The following NEDD4L variants were observed in gnomAD, a reference collection of about 807,000 sequenced individuals.
NEDD4L encodes E3 ubiquitin-protein ligase NEDD4-like.
A neutral mutation model predicts 148.9 loss-of-function variants in NEDD4L; 54 were observed. The ratio of observed to expected loss-of-function variants is 0.36; its 90% CI spans 0.29 to 0.45. The LOEUF (loss-of-function observed/expected upper bound fraction) is 0.45, where lower values mean the gene tolerates loss of function less well. Among genes scored for constraint, NEDD4L ranks in the 20% least tolerant of loss-of-function variants. The pLI is 1.00. For synonymous variants in NEDD4L, 433 were observed against 440.7 expected (o/e 0.98, Z 0.22); for missense variants, 856 against 1,233.8 (o/e 0.69, Z 4.59).
chr18:58,176,410 A>G (rs1210704730), intron 2 of NEDD4L, among the ~76,000 whole-genome samples: 1 of 152,122 alleles, frequency 6.6e-6, no homozygotes, highest in Non-Finnish European at 1.5e-5. Context: ...ATCATAGCTC[A>G]CTGTAACCTC....
intron 5 of NEDD4L, among the ~76,000 whole-genome samples, chr18:58,310,602 G>A (rs1445840393): frequency 6.6e-6 from 1 of 152,222 alleles, no homozygotes; most frequent in Non-Finnish European, 1.5e-5. Flanking sequence ...CTTGGGTTAT[G>A]CAACGCCCAG....
intron 5 of NEDD4L, among the ~76,000 whole-genome samples, chr18:58,293,841 G>T (rs1317665755): frequency 1.3e-5 from 2 of 152,130 alleles, no homozygotes; most frequent in African/African-American, 2.4e-5. Context: ...TCCCACCTCA[G>T]CTTCCCAAGT....
chr18:58,111,965 A>G (rs1177961111), intron 1 of NEDD4L, among the ~76,000 whole-genome samples: 1 of 152,184 alleles, frequency 6.6e-6, no homozygotes, highest in Admixed American at 6.5e-5. Context: ...CTGTCCAGTG[A>G]TAGCCATCCT....
At chr18:58,125,358 GGTGTGTGTGTGTGT>G (rs34644275) in intron 1 of NEDD4L, among the ~76,000 whole-genome samples, 1 of 148,712 alleles carries the variant, frequency 6.7e-6, no homozygotes, top group African/African-American at 2.5e-5. Flanking sequence ...CCACCAGGAG[GGTGTGTGTGTGTGT>G]GTGTGTGTGT....
intron 1 of NEDD4L, among the ~76,000 whole-genome samples, chr18:58,112,040 A>G (rs1034699192): frequency 3.3e-5 from 5 of 152,128 alleles, no homozygotes; most frequent in Non-Finnish European, 7.3e-5. Flanking sequence ...TGCATTACTG[A>G]CTTTGCACAT....
At chr18:58,364,206 A>G in intron 19 of NEDD4L, 62 bp from the exon 20 acceptor site, 6 of 933,662 alleles carry the variant, frequency 6.4e-6, no homozygotes, top group Non-Finnish European at 1.0e-5. Context: ...ATGTTGCCTC[A>G]GTATACATAA....
chr18:58,346,268 C>A (rs558426522), intron 16 of NEDD4L, among the ~76,000 whole-genome samples: 61 of 152,250 alleles, frequency 4.0e-4, no homozygotes, highest in African/African-American at 1.4e-3. Flanking sequence ...AAGTCTGAAA[C>A]CTTGTAAGCA....
At chr18:58,374,033 A>G (rs1435351892) in intron 24 of NEDD4L, among the ~76,000 whole-genome samples, 1 of 152,208 alleles carries the variant, frequency 6.6e-6, no homozygotes, top group Non-Finnish European at 1.5e-5. Flanking sequence ...CCCATCCTTC[A>G]GACTAAATCT....
In NEDD4L at chr18:58,335,483, T is replaced by C; in HGVS notation, c.1071T>C (p.Ser357=). The C allele has an allele frequency of 6.2e-7, 1 of 1,613,342 alleles. No individual in the cohort carries two copies. The highest frequency in any genetic ancestry group is 2.2e-5 in the East Asian group (1 of 44,884). ...ATGTAAATTATCATTCACAGCCCAGTGCCCCAGCTGGGAGAGCGCGTTCAT... is the reference window on the plus strand; with the variant it reads ...ATGTAAATTATCATTCACAGCCCAGCGCCCCAGCTGGGAGAGCGCGTTCAT... The part of the protein sequence containing the change: ...VAEQGHLPPP[S]APAGRARSST... The change falls in exon 13 of 31, where the codon AGT becomes AGC. Residue 357 remains serine (S), a synonymous_variant. Coordinates refer to ENST00000400345, the MANE Select transcript of NEDD4L (RefSeq NM_001144967.3).
chr18:58,165,990 A>T, intron 2 of NEDD4L, 129 bp downstream of exon 2: 1 of 731,316 alleles, frequency 1.4e-6, no homozygotes, highest in South Asian at 1.8e-5. Context: ...ACCTGCAGGG[A>T]TTCTGATTTA....
intron 1 of NEDD4L, among the ~76,000 whole-genome samples, chr18:58,064,370 AC>A (rs1319707304): frequency 3.9e-5 from 6 of 152,234 alleles, no homozygotes; most frequent in Non-Finnish European, 8.8e-5. Context: ...CAAATTTGTT[AC>A]AAATCTAATT....
chr18:58,159,123 G>A (rs1318899482), intron 1 of NEDD4L, among the ~76,000 whole-genome samples: 4 of 152,186 alleles, frequency 2.6e-5, no homozygotes, highest in East Asian at 1.9e-4. Flanking sequence ...GCGGGAAGGC[G>A]TTGGTGTGGG....
chr18:58,289,790 T>C (rs2149093338), intron 5 of NEDD4L, among the ~76,000 whole-genome samples: 1 of 152,380 alleles, frequency 6.6e-6, no homozygotes, highest in Admixed American at 6.5e-5. Flanking sequence ...ACCAGAGTTA[T>C]AAAATCCCTT....
Position 58,099,245 on chromosome 18 carries a change from C to T in NEDD4L, c.48+54537C>T, listed in dbSNP as rs149482615. 5.3e-5 allele frequency among the ~76,000 whole-genome samples: 8 copies of T among 151,988 alleles called. No individual in the cohort carries two copies. The East Asian group carries it at 1.2e-3, about 22-fold the overall frequency. ...ACAGGCTGAAGTGCAGTGGTGCCGT[C>T]GTAGCTCACTGCAACCCTGAAGTCC... On this transcript the variant is annotated intron_variant, in intron 1 of 30. Coordinates refer to ENST00000400345, the MANE Select transcript of NEDD4L (RefSeq NM_001144967.3).
At chr18:58,080,758 A>G (rs1390804761) in intron 1 of NEDD4L, among the ~76,000 whole-genome samples, 1 of 152,212 alleles carries the variant, frequency 6.6e-6, no homozygotes, top group African/African-American at 2.4e-5. Context: ...GAAAGCCATC[A>G]TTTAGTAACT....
In NEDD4L at chr18:58,092,660, G is replaced by A. The variant is rs1306110338; in HGVS notation, c.48+47952G>A. Among the ~76,000 whole-genome samples, 3 of 152,082 alleles carry A rather than the reference G, an allele frequency of 2.0e-5. No homozygotes were observed. The South Asian group carries it at 6.3e-4, about 32-fold the overall frequency. On this transcript the variant is annotated intron_variant, in intron 1 of 30. Coordinates refer to ENST00000400345, the MANE Select transcript of NEDD4L (RefSeq NM_001144967.3). ...AGCACAGCTCTGCACCTGCTCTTAT[G>A]GAGGAGAAGACAAGCAGAAGAGAAT...
intron 2 of NEDD4L, among the ~76,000 whole-genome samples, chr18:58,224,126 C>T (rs181913181): frequency 6.2e-4 from 95 of 152,314 alleles, no homozygotes; most frequent in Admixed American, 5.2e-3. Flanking sequence ...ACATGGAAAA[C>T]GCACCGCTTT....
chr18:58,340,993 A>G, intron 13 of NEDD4L, 45 bp from the exon 14 acceptor site: 5 of 1,572,768 alleles, frequency 3.2e-6, no homozygotes, highest in Non-Finnish European at 4.3e-6. Context: ...CTGATCAGAA[A>G]ACAAATGCAA....
At chr18:58,099,838 C>T (rs1447102847) in intron 1 of NEDD4L, among the ~76,000 whole-genome samples, 1 of 152,078 alleles carries the variant, frequency 6.6e-6, no homozygotes, top group Non-Finnish European at 1.5e-5. Flanking sequence ...GTAGCACAGA[C>T]ACAATATAGG....
Sources: allele counts gnomAD v4.1 joint callset (sites outside exome capture counted in the v4.1 genomes callset), GRCh38; gene constraint gnomAD v4.1.1; transcripts MANE v1.5; gene names NCBI Gene and HGNC (gene_info 2026-07-23, HGNC 2026-07-21).